The following AIMP1 variants were observed in gnomAD, a reference collection of about 807,000 sequenced individuals.
The protein encoded by AIMP1 is aminoacyl tRNA synthase complex-interacting multifunctional protein 1.
In AIMP1, 24 loss-of-function variants were observed where a neutral mutation model predicts 33.1. That is an observed-to-expected ratio of 0.73 (90% CI 0.53 to 1.02). The LOEUF (loss-of-function observed/expected upper bound fraction) is 1.02, where lower values mean the gene tolerates loss of function less well. Among genes scored for constraint, AIMP1 ranks in the 50% least tolerant of loss-of-function variants. The pLI, the probability that AIMP1 is intolerant of heterozygous loss-of-function variation, is 0.00. For missense variants in AIMP1, 367 were observed against 364.8 expected (o/e 1.01, Z -0.05); for synonymous variants, 120 against 121.5 (o/e 0.99, Z 0.08).
chr4:106,330,263 T>C (rs1230883038), intron 4 of AIMP1, among the ~76,000 whole-genome samples: 1 of 152,212 alleles, frequency 6.6e-6, no homozygotes, highest in Non-Finnish European at 1.5e-5. Flanking sequence ...TTAAAATATA[T>C]ACAAATGTAG....
At chr4:106,334,276 CTTTTTTTT>C (rs34085907) in intron 5 of AIMP1, among the ~76,000 whole-genome samples, 1 of 139,304 alleles carries the variant, frequency 7.2e-6, no homozygotes, top group African/African-American at 2.7e-5. Flanking sequence ...TTTCTTTTTT[CTTTTTTTT>C]TTTTTTTGGA....
chr4:106,316,533 G>A (rs546179277), upstream of AIMP1: 8 of 1,551,550 alleles, frequency 5.2e-6, no homozygotes, highest in East Asian at 2.4e-5. Context: ...ATAGTACGCG[G>A]GTGGCTGGAC....
At chr4:106,316,313 C>T, upstream of AIMP1, 1 of 475,778 alleles carries the variant, frequency 2.1e-6, no homozygotes, top group Non-Finnish European at 3.8e-6. Flanking sequence ...CCCAAACTGG[C>T]CACGAAAGGA....
Position 106,325,036 on chromosome 4 carries a change from G to C in AIMP1, c.27G>C (p.Lys9Asn). 1 of 1,612,050 alleles carries C rather than the reference G, an allele frequency of 6.2e-7. No homozygotes were observed. The highest frequency in any genetic ancestry group is 8.5e-7 in the Non-Finnish European group (1 of 1,178,846). ...TGGCAAATAATGATGCTGTTCTGAAGAGACTGGAGCAGAAGGGTGCAGAGG... is the reference window on the plus strand; with the variant it reads ...TGGCAAATAATGATGCTGTTCTGAACAGACTGGAGCAGAAGGGTGCAGAGG... MANNDAVL[K>N]RLEQKGAEAD... Residue 9 changes from lysine (K) to asparagine (N), a missense_variant, in exon 2 of 7, where the codon AAG (lysine) becomes AAC (asparagine). Lys to Asn is a moderately conservative substitution (Grantham distance 94). Transcript: ENST00000672341.
intron 5 of AIMP1, 28 bp downstream of exon 5, chr4:106,331,911 G>A (rs530905677): frequency 6.3e-7 from 1 of 1,589,530 alleles, no homozygotes; most frequent in African/African-American, 1.3e-5. Context: ...AATTCCTGTT[G>A]TGTACATACA....
chr4:106,334,276 CT>C (rs34085907), intron 5 of AIMP1, among the ~76,000 whole-genome samples: 41,606 of 139,048 alleles, frequency 0.3, 5,486 homozygotes, highest in South Asian at 0.42. Flanking sequence ...TTTCTTTTTT[CT>C]TTTTTTTTTT....
intron 5 of AIMP1, among the ~76,000 whole-genome samples, chr4:106,332,666 T>A (rs368041335): frequency 7.2e-6 from 1 of 137,966 alleles, no homozygotes; most frequent in African/African-American, 2.6e-5. Context: ...TTTTTATGTA[T>A]CTATAGATAT....
intron 5 of AIMP1, among the ~76,000 whole-genome samples, chr4:106,334,788 A>G (rs1368863625): frequency 6.6e-6 from 1 of 152,206 alleles, no homozygotes; most frequent in East Asian, 1.9e-4. Context: ...ACATTTGAGT[A>G]AAGGTCTAAG....
At chr4:106,327,965 T>C in intron 3 of AIMP1, 111 bp from the exon 4 acceptor site, 1 of 1,478,458 alleles carries the variant, frequency 6.8e-7, no homozygotes, top group Non-Finnish European at 9.2e-7. Context: ...GATAGCCATA[T>C]ACAGTGAATT....
Position 106,331,728 on chromosome 4 carries a change from A to G in AIMP1, c.448A>G (p.Ile150Val), listed in dbSNP as rs761164099. ...AGCTGGAAGTGCCGACTCTAAGCCA[A>G]TAGATGTTTCCCGTCTGGATCTTCG... Reference protein sequence around the residue: ...SIAGSADSKPIDVSRLDLRIG... With the variant: ...SIAGSADSKPVDVSRLDLRIG... The change falls in exon 5 of 7, where the codon ATA (isoleucine) becomes GTA (valine). Residue 150 changes from isoleucine to valine, a missense_variant. Physicochemically the swap from Ile to Val is conservative, Grantham distance 29. Coordinates refer to ENST00000672341, the MANE Select transcript of AIMP1 (RefSeq NM_001142416.2). 2 of 1,614,122 alleles carry G rather than the reference A, an allele frequency of 1.2e-6. No homozygotes were observed. Among genetic ancestry groups the G allele is most frequent in the Non-Finnish European group, 8.5e-7 (1 of 1,179,984 alleles).
chr4:106,336,362 A>G (rs546436158), intron 5 of AIMP1, among the ~76,000 whole-genome samples: 1 of 152,288 alleles, frequency 6.6e-6, no homozygotes, highest in Non-Finnish European at 1.5e-5. Flanking sequence ...AAATTAAAAA[A>G]TAAATCTAGC....
At chr4:106,337,711 A>T (rs1769943952) in intron 6 of AIMP1, among the ~76,000 whole-genome samples, 1 of 152,202 alleles carries the variant, frequency 6.6e-6, no homozygotes, top group Admixed American at 6.5e-5. Context: ...ACAGGCAGAG[A>T]TTGGAACAGT....
At chr4:106,329,349 C>T (rs532267271) in intron 4 of AIMP1, among the ~76,000 whole-genome samples, 2 of 152,292 alleles carry the variant, frequency 1.3e-5, no homozygotes, top group South Asian at 2.1e-4. Flanking sequence ...AAGGAGGGTG[C>T]ACTGTTCTGA....
At chr4:106,338,025 G>T (rs995256661) in intron 6 of AIMP1, among the ~76,000 whole-genome samples, 2 of 152,176 alleles carry the variant, frequency 1.3e-5, no homozygotes, top group Non-Finnish European at 2.9e-5. Context: ...TGAGAAAGAT[G>T]AGTTAGGGTA....
rs1770360393 is a variant in AIMP1, at chr4:106,347,757, C to T, written c.*65C>T. Reference sequence around the variant, plus strand: ...AAGTAATAAAGAGAAATATATTTGTCACTTATACCTAAAATATGAGTGGCT... The same window carrying T: ...AAGTAATAAAGAGAAATATATTTGTTACTTATACCTAAAATATGAGTGGCT... On this transcript the variant is annotated 3_prime_UTR_variant, in exon 7 of 7. Coordinates refer to ENST00000672341, the MANE Select transcript of AIMP1 (RefSeq NM_001142416.2). 2 of 1,527,466 alleles carry T rather than the reference C, an allele frequency of 1.3e-6. No homozygotes were observed. The highest frequency in any genetic ancestry group is 2.4e-5 in the East Asian group (1 of 41,010). 94.6% of individuals were successfully genotyped at this position (1,527,466 alleles called of 1,614,324 possible).
intron 3 of AIMP1, 87 bp from the exon 4 acceptor site, chr4:106,327,987 AAG>A (rs1220042695): frequency 3.2e-6 from 5 of 1,548,852 alleles, no homozygotes; most frequent in Non-Finnish European, 4.4e-6. Flanking sequence ...TTCATTTAAA[AAG>A]AGTTCCCATT....
rs1770400727 is a variant in AIMP1 at position 106,349,045 on chromosome 4, T to G, written c.*1353T>G. On this transcript the variant is annotated 3_prime_UTR_variant, in exon 7 of 7. Transcript: ENST00000672341. ...AAGGCAGAATTAAATTTTATTTATT[T>G]AAATCCATGGAACTCTGGTAGGCCA... 6.6e-6 allele frequency: 1 copy of G among 152,100 alleles called. No individual in the cohort carries two copies. Among genetic ancestry groups the G allele is most frequent in the South Asian group, 2.1e-4 (1 of 4,834 alleles). The allele number at this position is 152,100 out of a possible 1,614,324, so 9.4% of individuals were successfully genotyped here. A position where few individuals can be genotyped will look rare whatever the true frequency, so the allele number is the denominator to read the frequency against.
chr4:106,336,263 A>G (rs1400760698), intron 5 of AIMP1, among the ~76,000 whole-genome samples: 1 of 150,056 alleles, frequency 6.7e-6, no homozygotes, highest in African/African-American at 2.5e-5. Context: ...GAAAAAAAAA[A>G]AACACTGGGC....
At chr4:106,342,010 C>T (rs58874453) in intron 6 of AIMP1, among the ~76,000 whole-genome samples, 3,981 of 152,204 alleles carry the variant, frequency 0.026, 164 homozygotes, top group African/African-American at 0.091. Context: ...TCTTTCACCT[C>T]CTTCATTAGG....
Sources: gnomAD v4.1 joint callset for allele counts (sites outside exome capture counted in the v4.1 genomes callset) on GRCh38, gnomAD v4.1.1 for gene constraint, MANE v1.5 for transcripts, NCBI Gene and HGNC (gene_info 2026-07-23, HGNC 2026-07-21) for gene names.